SEC16B: variants seen among roughly 807,000 people sequenced by gnomAD.
SEC16B encodes protein transport protein Sec16B.
Under a neutral mutation model 141.8 loss-of-function variants are expected in SEC16B, and 115 were observed. The ratio of observed to expected loss-of-function variants is 0.81; its 90% CI spans 0.70 to 0.95. SEC16B has a LOEUF of 0.95. SEC16B is among the 40% of genes least tolerant of loss of function. The pLI is 0.00. For missense variants in SEC16B, 1,291 were observed against 1,312.3 expected, an observed-to-expected ratio of 0.98 and a Z score of 0.25; for synonymous variants, 493 against 492.5, an observed-to-expected ratio of 1.00 and a Z score of -0.01.
chr1:177,973,249 T>G (rs957454878), upstream of SEC16B: 1 of 152,214 alleles, frequency 6.6e-6, no homozygotes, highest in African/African-American at 2.4e-5. Context: ...AATGACTGGT[T>G]ACTCTTGCAA....
chr1:177,954,333 G>A lies in SEC16B; in HGVS notation c.1409C>T (p.Ala470Val). 6.3e-7 allele frequency: 1 copy of A among 1,576,496 alleles called. No individual in the cohort carries two copies. The highest frequency in any genetic ancestry group is 8.6e-7 in the Non-Finnish European group (1 of 1,160,080). The change falls in exon 11 of 26, where the codon GCT (alanine) becomes GTT (valine). Residue 470 changes from alanine (A) to valine (V), a missense_variant. This residue lies in a region of SEC16B where 681 missense variants were observed against 675.5 expected (regional missense o/e 1.01). Transcript: ENST00000308284. Reference protein sequence around the residue: ...WAMKNHLWGHALFLSSKMDPQ... With the variant: ...WAMKNHLWGHVLFLSSKMDPQ... Reference sequence around the variant, plus strand: ...GTCCATCTTGCTGGACAGGAACAAAGCATGGCCCCACAAGTGGTTCTTCAT... The same window carrying A: ...GTCCATCTTGCTGGACAGGAACAAAACATGGCCCCACAAGTGGTTCTTCAT...
At chr1:177,961,010 G>A in intron 6 of SEC16B, 71 bp from the exon 7 acceptor site, 2 of 1,527,508 alleles carry the variant, frequency 1.3e-6, no homozygotes, top group African/African-American at 2.7e-5. Context: ...TTAGGAATAT[G>A]CCACAGATGT....
At chr1:177,962,333 G>T (rs1254606758) in intron 5 of SEC16B, among the ~76,000 whole-genome samples, 3 of 151,944 alleles carry the variant, frequency 2.0e-5, no homozygotes, top group Non-Finnish European at 4.4e-5. Context: ...GCCTCCCAAA[G>T]TGCTGGGATT....
At position 177,929,557 on chromosome 1, in the gene SEC16B, T is replaced by C. The variant is rs567628984; in HGVS notation, c.*301A>G. 2 of 371,954 alleles carry C rather than the reference T, an allele frequency of 5.4e-6. No individual in the cohort carries two copies. The highest frequency in any genetic ancestry group is 3.4e-5 in the South Asian group (1 of 29,434). 23.0% of individuals were successfully genotyped at this position (371,954 alleles called of 1,614,324 possible). ...GTTAGGGCCCTAATTTCCCCAAGGC[T>C]CTCAAGCCACCACCATAAGTGCCAC... On this transcript the variant is annotated 3_prime_UTR_variant, in exon 26 of 26. Coordinates refer to ENST00000308284, the MANE Select transcript of SEC16B (RefSeq NM_033127.4).
intron 20 of SEC16B, 42 bp downstream of exon 20, chr1:177,936,256 A>G (rs1303328560): frequency 1.7e-5 from 26 of 1,542,192 alleles, no homozygotes; most frequent in Non-Finnish European, 2.3e-5. Flanking sequence ...AACCAGAAGC[A>G]TTTGAGTGGG....
At chr1:177,952,403 C>A (rs1445736362) in intron 11 of SEC16B, among the ~76,000 whole-genome samples, 1 of 152,154 alleles carries the variant, frequency 6.6e-6, no homozygotes, top group Non-Finnish European at 1.5e-5. Flanking sequence ...CTCCCTGCAG[C>A]CCTCCTCCAC....
In SEC16B at chr1:177,958,287, G is replaced by C; in HGVS notation, c.1210C>G (p.Pro404Ala). The change falls in exon 10 of 26, where the codon CCT (proline) becomes GCT (alanine). Residue 404 changes from proline (P) to alanine (A), a missense_variant. Pro to Ala is a conservative substitution (Grantham distance 27). Around this residue, in one of 3 missense-constraint regions of SEC16B, gnomAD observed 681 missense variants for 675.5 expected, o/e 1.01. Transcript: ENST00000308284. ...KKLEKYKRQP[P>A]VANLINLTDE... ...GTCAGGTTGATGAGGTTGGCCACAGGGGGCTGCCGCTTGTACTTCTCCAGC... is the reference window on the plus strand; with the variant it reads ...GTCAGGTTGATGAGGTTGGCCACAGCGGGCTGCCGCTTGTACTTCTCCAGC... The C allele has an allele frequency of 1.2e-6, 2 of 1,610,422 alleles. No individual in the cohort carries two copies. The highest frequency in any genetic ancestry group is 1.7e-6 in the Non-Finnish European group (2 of 1,178,310).
rs10715123 is a variant in SEC16B, at chr1:177,950,151, T to TA, written c.1545+1762dup. ...AATTAGCCACAAGCCATAAGAAGGA[T>TA]AAAAAAAAAAAATGAAAAGTGTGAG... On this transcript the variant is annotated intron_variant, in intron 12 of 25. Coordinates refer to ENST00000308284, the MANE Select transcript of SEC16B (RefSeq NM_033127.4). Among the ~76,000 whole-genome samples, 258 of 149,436 alleles carry TA rather than the reference T, an allele frequency of 1.7e-3. 4 individuals are homozygous for TA. In the East Asian group the frequency reaches 0.034, roughly 20 times the overall value.
chr1:177,962,055 G>A (rs1393607004), intron 5 of SEC16B, among the ~76,000 whole-genome samples: 1 of 151,990 alleles, frequency 6.6e-6, no homozygotes, highest in Non-Finnish European at 1.5e-5. Context: ...TATACTTCAA[G>A]CAATTCATGT....
chr1:177,952,892 G>A (rs1266389757), intron 11 of SEC16B, among the ~76,000 whole-genome samples: 3 of 152,128 alleles, frequency 2.0e-5, no homozygotes, highest in Admixed American at 6.5e-5. Context: ...CCAGTCTCCA[G>A]GAAGACTGAG....
chr1:177,948,317 C>T, intron 12 of SEC16B: 5 of 1,282,752 alleles, frequency 3.9e-6, no homozygotes, highest in Non-Finnish European at 5.1e-6. Flanking sequence ...ATCAAACATC[C>T]TTGGCTTATG....
rs1652493199 is a variant in SEC16B at position 177,955,081 on chromosome 1, G to A, written c.1366-705C>T. 3.3e-5 allele frequency among the ~76,000 whole-genome samples: 5 copies of A among 151,816 alleles called. No individual in the cohort carries two copies. In the South Asian group the frequency reaches 1.0e-3, roughly 32 times the overall value. The stretch of plus-strand genomic sequence containing the variant: ...AGAGCTCCAACAAATCAATAAGTGA[G>A]GATCAAAGCCTCAATAGAAAAATGC... On this transcript the variant is annotated intron_variant, in intron 10 of 25. Transcript: ENST00000308284.
chr1:177,971,423 C>T (rs1412991625), upstream of SEC16B: 2 of 152,114 alleles, frequency 1.3e-5, no homozygotes, highest in Non-Finnish European at 2.9e-5. Flanking sequence ...AAGTTTGGCT[C>T]TCTAATGGCT....
At chr1:177,942,434 G>A (rs928710275) in intron 15 of SEC16B, among the ~76,000 whole-genome samples, 46 of 152,154 alleles carry the variant, frequency 3.0e-4, no homozygotes, top group Admixed American at 1.1e-3. Context: ...TTGGGAGGCC[G>A]ACGCAGGTGG....
chr1:177,961,144 T>G (rs759761929), intron 6 of SEC16B: 13 of 566,552 alleles, frequency 2.3e-5, no homozygotes, highest in Non-Finnish European at 4.0e-5. Context: ...ATACAATGCG[T>G]GGGCTTGATG....
At chr1:177,975,394 G>A (rs563535262) in intron 1 of SEC16B, among the ~76,000 whole-genome samples, 1 of 152,310 alleles carries the variant, frequency 6.6e-6, no homozygotes, top group East Asian at 1.9e-4. Flanking sequence ...CATAGCCTGA[G>A]TATAGAATTA....
chr1:177,933,236 G>C lies in SEC16B; in HGVS notation c.2801C>G (p.Ser934Cys). The part of the protein sequence containing the change: ...KNASPAGDED[S>C]SDSPDSEETP... ...TACCTCAGAGTCAGGGCTGTCTGAG[G>C]AGTCCTCGTCTCCAGCGGGGGATGC... Residue 934 changes from serine to cysteine, a missense_variant, in exon 22 of 26, where the codon TCC (serine) becomes TGC (cysteine). Coordinates refer to ENST00000308284, the MANE Select transcript of SEC16B (RefSeq NM_033127.4). The C allele has an allele frequency of 6.3e-7, 1 of 1,589,342 alleles. No homozygotes were observed. Among genetic ancestry groups the C allele is most frequent in the Non-Finnish European group, 8.6e-7 (1 of 1,167,592 alleles).
intron 12 of SEC16B, among the ~76,000 whole-genome samples, chr1:177,951,266 T>C (rs953351589): frequency 6.6e-6 from 1 of 152,054 alleles, no homozygotes; most frequent in Non-Finnish European, 1.5e-5. Context: ...ATGCTATATA[T>C]ACCCCAAGGA....
intron 13 of SEC16B, 62 bp downstream of exon 13, chr1:177,947,763 G>GGGAGGGGAGGTGAGGGGAGGGACAT: frequency 1.0e-6 from 1 of 968,144 alleles, no homozygotes; most frequent in Non-Finnish European, 1.6e-6. Flanking sequence ...GAAAGGGACA[G>GGGAGGGGAGGTGAGGGGAGGGACAT]GGAGGGGAGG....
Sources: allele counts gnomAD v4.1 joint callset (sites outside exome capture counted in the v4.1 genomes callset), GRCh38; gene constraint gnomAD v4.1.1; regional missense constraint gnomAD v4.1.1; transcripts MANE v1.5; gene names NCBI Gene and HGNC (gene_info 2026-07-23, HGNC 2026-07-21).